Variants in SNU13 observed in about 807,000 individuals in gnomAD.
SNU13 encodes small nuclear ribonucleoprotein 13.
Under a neutral mutation model 12.4 loss-of-function variants are expected in SNU13, and 2 were observed. The observed-to-expected ratio is 0.16, with a 90% CI of 0.07 to 0.51. The LOEUF is 0.51. Among genes scored for constraint, SNU13 ranks in the 20% least tolerant of loss-of-function variants. SNU13 has a pLI of 0.96. For missense variants in SNU13, 66 were observed against 157.8 expected, an observed-to-expected ratio of 0.42 and a Z score of 3.12; for synonymous variants, 68 against 66.5, an observed-to-expected ratio of 1.02 and a Z score of -0.11.
At chr22:41,677,437 A>T (rs747690513) in intron 2 of SNU13, among the ~76,000 whole-genome samples, 1 of 152,100 alleles carries the variant, frequency 6.6e-6, no homozygotes, top group Non-Finnish European at 1.5e-5. Context: ...AGGTGGGAGG[A>T]TCACCTAAGC....
rs1601578780 is a variant in SNU13 at position 41,688,839 on chromosome 22, T to G, written c.-43A>C. 2 of 1,566,970 alleles carry G rather than the reference T, an allele frequency of 1.3e-6. No individual in the cohort carries two copies. Among genetic ancestry groups the G allele is most frequent in the South Asian group, 2.2e-5 (2 of 89,022 alleles). On this transcript the variant is annotated 5_prime_UTR_variant, in exon 1 of 3. Coordinates refer to ENST00000401959, the MANE Select transcript of SNU13 (RefSeq NM_001003796.2). ...CTCAGCACTCCTAGGGGAGCGCAGCTGACGTTTCAGAAGCACTCGCGTGCA... is the reference window on the plus strand; with the variant it reads ...CTCAGCACTCCTAGGGGAGCGCAGCGGACGTTTCAGAAGCACTCGCGTGCA...
chr22:41,680,419 G>A (rs974734126), intron 1 of SNU13, 55 bp from the exon 2 acceptor site: 3 of 1,575,760 alleles, frequency 1.9e-6, no homozygotes, highest in Non-Finnish European at 2.6e-6. Flanking sequence ...TTTCCTACCT[G>A]AGTCACAAAA....
chr22:41,682,431 C>T lies in SNU13; in HGVS notation c.4-2067G>A, dbSNP rs186413106. The T allele has an allele frequency of 1.7e-4, 270 of 1,611,972 alleles. No homozygotes were observed. The African/African-American group carries it at 3.2e-3, about 19-fold the overall frequency. On this transcript the variant is annotated intron_variant, in intron 1 of 2. Transcript: ENST00000401959. ...CGTGTCGGTTTGGACGGTCTGCTGC[C>T]CAGCACCGCAAGGACACGGATGCCC...
intron 2 of SNU13, among the ~76,000 whole-genome samples, chr22:41,676,127 G>A (rs1265376372): frequency 6.6e-6 from 1 of 152,092 alleles, no homozygotes; most frequent in Non-Finnish European, 1.5e-5. Context: ...CCACCAGCAA[G>A]TAGTAGTATA....
intron 1 of SNU13, among the ~76,000 whole-genome samples, chr22:41,686,774 G>A (rs1198211457): frequency 2.7e-5 from 4 of 146,078 alleles, no homozygotes; most frequent in East Asian, 2.0e-4. Context: ...TTACAGGCAC[G>A]CACCACCACG....
chr22:41,687,330 G>A (rs931495134), intron 1 of SNU13, among the ~76,000 whole-genome samples: 5 of 152,058 alleles, frequency 3.3e-5, no homozygotes, highest in Admixed American at 6.6e-5. Flanking sequence ...ACTATGATAT[G>A]TCAATTTAAA....
At chr22:41,678,394 G>C (rs182478742) in intron 2 of SNU13, among the ~76,000 whole-genome samples, 1 of 152,194 alleles carries the variant, frequency 6.6e-6, no homozygotes, top group East Asian at 1.9e-4. Flanking sequence ...ATATACATGC[G>C]CCTGGCACAT....
At chr22:41,682,534 C>G (rs1479089299) in intron 1 of SNU13, 2 of 1,499,292 alleles carry the variant, frequency 1.3e-6, no homozygotes, top group Non-Finnish European at 1.8e-6. Context: ...CCAGGACGCC[C>G]TGTCTTCTAC....
chr22:41,686,526 C>CT (rs1276051194), intron 1 of SNU13, among the ~76,000 whole-genome samples: 1 of 150,900 alleles, frequency 6.6e-6, no homozygotes, highest in Admixed American at 6.6e-5. Flanking sequence ...GGTTGAACTC[C>CT]TGACCTAAGG....
chr22:41,687,202 C>T (rs2068318203), intron 1 of SNU13, among the ~76,000 whole-genome samples: 2 of 152,018 alleles, frequency 1.3e-5, no homozygotes, highest in African/African-American at 4.8e-5. Flanking sequence ...CATGATCCAC[C>T]CGCCTCAGCC....
rs1217828817 is a variant in SNU13 at position 41,680,357 on chromosome 22, G to C, written c.11C>G (p.Ala4Gly). 2.5e-6 allele frequency: 4 copies of C among 1,613,454 alleles called. No individual in the cohort carries two copies. Among genetic ancestry groups the C allele is most frequent in the Non-Finnish European group, 3.4e-6 (4 of 1,179,748 alleles). ...GGGATAGGCCTTTGGATTCACATCA[G>C]CCTCAGTCTATGGGGGGGACATAAA... MTE[A>G]DVNPKAYPLA... The change falls in exon 2 of 3, where the codon GCT becomes GGT. Residue 4 changes from alanine to glycine, a missense_variant. Transcript: ENST00000401959.
intron 2 of SNU13, chr22:41,679,754 GAGA>G (rs1454955038): frequency 1.3e-5 from 2 of 151,522 alleles, no homozygotes; most frequent in African/African-American, 2.4e-5. Context: ...GAACAATACA[GAGA>G]AGATTAGCAT....
At chr22:41,682,797 C>T (rs2068277080) in intron 1 of SNU13, among the ~76,000 whole-genome samples, 1 of 152,012 alleles carries the variant, frequency 6.6e-6, no homozygotes, top group Non-Finnish European at 1.5e-5. Flanking sequence ...TACAGGTGAC[C>T]GCCATCACGG....
intron 2 of SNU13, among the ~76,000 whole-genome samples, chr22:41,677,362 A>C (rs2068223174): frequency 6.6e-6 from 1 of 151,990 alleles, no homozygotes; most frequent in African/African-American, 2.4e-5. Flanking sequence ...CATCTCTACT[A>C]AAAATATAAA....
chr22:41,685,968 C>CAA (rs546316422), intron 1 of SNU13, among the ~76,000 whole-genome samples: 21 of 126,082 alleles, frequency 1.7e-4, no homozygotes, highest in African/African-American at 5.9e-4. Flanking sequence ...GACTCTGTCT[C>CAA]AAAAAAAAAA....
At chr22:41,679,078 C>T (rs568586639) in intron 2 of SNU13, among the ~76,000 whole-genome samples, 1 of 151,032 alleles carries the variant, frequency 6.6e-6, no homozygotes, top group African/African-American at 2.4e-5. Flanking sequence ...GGCGACAGAG[C>T]GAGATTCTGT....
intron 1 of SNU13, chr22:41,688,304 C>T (rs984606704): frequency 1.3e-5 from 2 of 153,346 alleles, no homozygotes; most frequent in African/African-American, 4.8e-5. Context: ...GGGCACTAAG[C>T]GCAGACCCAT....
chr22:41,682,341 A>T (rs1476426566), intron 1 of SNU13: 11 of 1,611,508 alleles, frequency 6.8e-6, no homozygotes, highest in Non-Finnish European at 9.3e-6. Flanking sequence ...ATAATGGCCC[A>T]GTAGGAACAC....
At chr22:41,689,169 C>G (rs1257412629), upstream of SNU13, 5 of 889,374 alleles carry the variant, frequency 5.6e-6, no homozygotes, top group South Asian at 5.0e-5. Context: ...CGAGACCAGC[C>G]TGGCCAACAT....
Sources: gnomAD v4.1 joint callset for allele counts (sites outside exome capture counted in the v4.1 genomes callset) on GRCh38, gnomAD v4.1.1 for gene constraint, MANE v1.5 for transcripts, NCBI Gene and HGNC (gene_info 2026-07-23, HGNC 2026-07-21) for gene names.